Variants in DMD observed in about 807,000 individuals in gnomAD.
The protein encoded by DMD is mutant dystrophin.
DMD carries 63 observed loss-of-function variants against 330.1 expected under a neutral mutation model. That is an observed-to-expected ratio of 0.19 (90% confidence interval 0.16 to 0.24). DMD has a LOEUF of 0.24. Ranked by LOEUF, DMD falls within the 10% of genes least tolerant of loss-of-function variation. The pLI, the probability that DMD is intolerant of heterozygous loss-of-function variation, is 1.00. For synonymous variants in DMD, 1,223 were observed against 959.8 expected, an observed-to-expected ratio of 1.27 and a Z score of -5.07; for missense variants, 3,344 against 2,684.1, an observed-to-expected ratio of 1.25 and a Z score of -5.43.
At chrX:31,153,832 T>C (rs2037755372) in intron 74 of DMD, among the ~76,000 whole-genome samples, 1 of 112,270 alleles carries the variant, frequency 8.9e-6, no homozygotes, top group Non-Finnish European at 1.9e-5. Flanking sequence ...CCTGAAGCTC[T>C]GAGATAGGAC....
intron 43 of DMD, among the ~76,000 whole-genome samples, chrX:32,237,732 A>G (rs753184446): frequency 1.8e-5 from 2 of 111,824 alleles, no homozygotes; most frequent in South Asian, 3.7e-4. Flanking sequence ...CGCATTTTTG[A>G]CTGACATGGT....
At chrX:32,598,028 G>A (rs990691106) in intron 12 of DMD, among the ~76,000 whole-genome samples, 5 of 112,037 alleles carry the variant, frequency 4.5e-5, no homozygotes, top group Admixed American at 1.9e-4. Flanking sequence ...CAAACTCTAT[G>A]GCAGGTGGAA....
chrX:32,088,035 G>C (rs754364926), intron 44 of DMD, among the ~76,000 whole-genome samples: 2 of 112,202 alleles, frequency 1.8e-5, no homozygotes, highest in Non-Finnish European at 3.8e-5. Flanking sequence ...CTTGACCTTC[G>C]TCTATAATAT....
chrX:31,888,011 T>A (rs751574859), intron 47 of DMD, among the ~76,000 whole-genome samples: 20 of 112,123 alleles, frequency 1.8e-4, no homozygotes, highest in African/African-American at 4.8e-4. Flanking sequence ...TCCAACTCTG[T>A]TTCCCATTTT....
At position 32,508,713 on chromosome X, in the gene DMD, G is replaced by A. The variant is rs1234311706; in HGVS notation, c.2293-6871C>T. 2.7e-5 allele frequency among the ~76,000 whole-genome samples: 3 copies of A among 112,105 alleles called. No individual in the cohort carries two copies. In the East Asian group the frequency reaches 8.4e-4, roughly 31 times the overall value. ...TAGGAATAATTAAGCTGAGAAAAATGGTTTGACATAAGCTAAGACTATACC... is the reference window on the plus strand; with the variant it reads ...TAGGAATAATTAAGCTGAGAAAAATAGTTTGACATAAGCTAAGACTATACC... On this transcript the variant is annotated intron_variant, in intron 18 of 78. Transcript: ENST00000357033.
intron 55 of DMD, among the ~76,000 whole-genome samples, chrX:31,554,192 C>T (rs1017926339): frequency 1.8e-5 from 2 of 111,615 alleles, no homozygotes; most frequent in Admixed American, 9.5e-5. Context: ...CTTATCTATG[C>T]GAGAAGAAGA....
intron 2 of DMD, among the ~76,000 whole-genome samples, chrX:32,869,574 G>GA (rs34803900): frequency 9.3e-6 from 1 of 107,231 alleles, no homozygotes; most frequent in African/African-American, 3.4e-5. Context: ...CAAGGGAGCT[G>GA]AAAAAACACA....
At chrX:32,226,139 A>G (rs920434072) in intron 43 of DMD, among the ~76,000 whole-genome samples, 1 of 111,274 alleles carries the variant, frequency 9.0e-6, no homozygotes, top group African/African-American at 3.3e-5. Flanking sequence ...TCCTCAGCAT[A>G]TTCCAACTCA....
At chrX:32,960,250 G>C (rs979645080) in intron 2 of DMD, 2 of 111,075 alleles carry the variant, frequency 1.8e-5, no homozygotes, top group African/African-American at 6.6e-5. Context: ...TACTTGAACA[G>C]GAGTGAGGCT....
At chrX:32,428,359 A>G (rs1189659237) in intron 29 of DMD, among the ~76,000 whole-genome samples, 1 of 111,841 alleles carries the variant, frequency 8.9e-6, no homozygotes, top group East Asian at 2.8e-4. Flanking sequence ...TAATAATACC[A>G]AATATGTGAA....
At chrX:32,665,991 A>G (rs1479194280) in intron 9 of DMD, among the ~76,000 whole-genome samples, 1 of 111,385 alleles carries the variant, frequency 9.0e-6, no homozygotes, top group Non-Finnish European at 1.9e-5. Context: ...TAATAGTCAG[A>G]ACCTGACTGC....
chrX:32,347,440 T>C (rs2147052693), intron 38 of DMD, among the ~76,000 whole-genome samples: 1 of 111,434 alleles, frequency 9.0e-6, no homozygotes, highest in African/African-American at 3.3e-5. Flanking sequence ...TAGAGATTGC[T>C]GTAACTCAGC....
chrX:31,275,245 C>T (rs1258810872), intron 62 of DMD, among the ~76,000 whole-genome samples: 1 of 109,534 alleles, frequency 9.1e-6, no homozygotes, highest in Non-Finnish European at 1.9e-5. Context: ...CTTACATTGA[C>T]TCTGTGAGCT....
intron 45 of DMD, among the ~76,000 whole-genome samples, chrX:31,955,328 C>A (rs2095234874): frequency 8.9e-6 from 1 of 112,209 alleles, no homozygotes; most frequent in Non-Finnish European, 1.9e-5. Context: ...ATTTGTTCTA[C>A]CCTGTCGTCA....
intron 9 of DMD, among the ~76,000 whole-genome samples, chrX:32,662,521 G>A (rs962323526): frequency 5.4e-5 from 6 of 111,748 alleles, no homozygotes; most frequent in Non-Finnish European, 1.1e-4. Context: ...CATGACATTT[G>A]TTTGAAAGGA....
chrX:31,572,473 G>T (rs921213959), intron 55 of DMD, among the ~76,000 whole-genome samples: 21 of 111,639 alleles, frequency 1.9e-4, no homozygotes, highest in Admixed American at 1.7e-3. Flanking sequence ...TTCCCTAATG[G>T]CTTTAGACAT....
chrX:32,552,141 G>T (rs2049631743), intron 16 of DMD, among the ~76,000 whole-genome samples: 1 of 111,708 alleles, frequency 9.0e-6, no homozygotes, highest in Non-Finnish European at 1.9e-5. Flanking sequence ...TTCAGTTGGA[G>T]CCACTAAAAG....
At chrX:32,246,021 G>A (rs2097235759) in intron 43 of DMD, among the ~76,000 whole-genome samples, 1 of 93,265 alleles carries the variant, frequency 1.1e-5, no homozygotes, top group African/African-American at 4.1e-5. Context: ...CGGTGAGAGA[G>A]GGCATCCCTG....
At chrX:31,470,352 G>A (rs2067203460) in intron 59 of DMD, among the ~76,000 whole-genome samples, 2 of 111,654 alleles carry the variant, frequency 1.8e-5, no homozygotes, top group Non-Finnish European at 3.8e-5. Context: ...TTCAGATGGG[G>A]TTTTTGTGTG....
Sources: allele counts gnomAD v4.1 joint callset (sites outside exome capture counted in the v4.1 genomes callset), GRCh38; gene constraint gnomAD v4.1.1; transcripts MANE v1.5; gene names NCBI Gene and HGNC (gene_info 2026-07-23, HGNC 2026-07-21).